Variants in CNTNAP2 observed in about 807,000 individuals in gnomAD.
CNTNAP2 encodes contactin associated protein 2.
Under a neutral mutation model 155.2 loss-of-function variants are expected in CNTNAP2, and 98 were observed. That is an observed-to-expected ratio of 0.63 (90% CI 0.54 to 0.75). The LOEUF is 0.75. Ranked by LOEUF, CNTNAP2 falls within the 30% of genes least tolerant of loss-of-function variation. The probability of loss-of-function intolerance (pLI) is 0.00; values close to 1 mark genes in which losing one functional copy is unlikely to be tolerated. For missense variants in CNTNAP2, 1,727 were observed against 1,688.1 expected, an observed-to-expected ratio of 1.02 and a Z score of -0.40; for synonymous variants, 651 against 631.2, an observed-to-expected ratio of 1.03 and a Z score of -0.47.
chr7:146,316,145 T>C (rs1800901754), intron 1 of CNTNAP2, among the ~76,000 whole-genome samples: 2 of 152,212 alleles, frequency 1.3e-5, no homozygotes, highest in African/African-American at 4.8e-5. Flanking sequence ...GTTTATCAAG[T>C]CATCTGTAAT....
chr7:148,016,312 G>A (rs1287917200), intron 15 of CNTNAP2, among the ~76,000 whole-genome samples: 1 of 152,174 alleles, frequency 6.6e-6, no homozygotes, highest in Admixed American at 6.5e-5. Flanking sequence ...TGCCAGCCCA[G>A]GTGCCTGACT....
At chr7:147,425,543 C>A (rs1251320371) in intron 10 of CNTNAP2, among the ~76,000 whole-genome samples, 1 of 152,038 alleles carries the variant, frequency 6.6e-6, no homozygotes, top group African/African-American at 2.4e-5. Flanking sequence ...GATCTAGCAT[C>A]CAGCCCAACC....
intron 9 of CNTNAP2, among the ~76,000 whole-genome samples, chr7:147,349,503 A>G (rs1795933502): frequency 6.6e-6 from 1 of 152,022 alleles, no homozygotes; most frequent in Admixed American, 6.6e-5. Flanking sequence ...CATTAATTTT[A>G]TGACACTTGG....
At chr7:146,711,675 T>C (rs1801074948) in intron 1 of CNTNAP2, among the ~76,000 whole-genome samples, 1 of 148,014 alleles carries the variant, frequency 6.8e-6, no homozygotes, top group African/African-American at 2.5e-5. Context: ...ATTTCGTATA[T>C]ATCTCATTAT....
intron 15 of CNTNAP2, among the ~76,000 whole-genome samples, chr7:148,073,152 G>GA (rs1170912319): frequency 1.3e-5 from 2 of 152,132 alleles, no homozygotes; most frequent in Non-Finnish European, 2.9e-5. Flanking sequence ...GCCCCCAGTT[G>GA]AAAATCACTG....
At chr7:146,384,322 G>A (rs1177604406) in intron 1 of CNTNAP2, among the ~76,000 whole-genome samples, 1 of 152,172 alleles carries the variant, frequency 6.6e-6, no homozygotes, top group Non-Finnish European at 1.5e-5. Context: ...ATGAAGATCA[G>A]TGGAGCACAA....
intron 16 of CNTNAP2, among the ~76,000 whole-genome samples, chr7:148,125,707 T>C (rs2116620923): frequency 6.7e-6 from 1 of 149,648 alleles, no homozygotes; most frequent in Non-Finnish European, 1.5e-5. Context: ...ATATAGTTTT[T>C]TTTTTTTTTG....
chr7:147,595,809 A>G (rs966002235), intron 12 of CNTNAP2, among the ~76,000 whole-genome samples: 3 of 152,204 alleles, frequency 2.0e-5, no homozygotes, highest in Admixed American at 6.5e-5. Flanking sequence ...GTGACTATGC[A>G]GTAAGGATAC....
At chr7:147,002,051 T>A (rs1352992786) in intron 3 of CNTNAP2, among the ~76,000 whole-genome samples, 1 of 151,792 alleles carries the variant, frequency 6.6e-6, no homozygotes, top group Non-Finnish European at 1.5e-5. Flanking sequence ...TAAAACAACA[T>A]AAGGCAATGT....
intron 18 of CNTNAP2, among the ~76,000 whole-genome samples, chr7:148,182,219 C>T (rs1585172721): frequency 6.6e-6 from 1 of 152,176 alleles, no homozygotes; most frequent in Admixed American, 6.5e-5. Flanking sequence ...CACTCTTTAT[C>T]TTTTCCCACA....
chr7:147,943,816 A>T (rs187529079), intron 14 of CNTNAP2, among the ~76,000 whole-genome samples: 2 of 146,178 alleles, frequency 1.4e-5, no homozygotes, highest in South Asian at 2.2e-4. Context: ...AGTTTGGTTC[A>T]TCTGAAAATT....
At chr7:146,721,623 A>G (rs1217570795) in intron 1 of CNTNAP2, among the ~76,000 whole-genome samples, 1 of 122,782 alleles carries the variant, frequency 8.1e-6, no homozygotes, top group Non-Finnish European at 1.5e-5. Flanking sequence ...TATATATTCT[A>G]TATACATTCT....
intron 12 of CNTNAP2, among the ~76,000 whole-genome samples, chr7:147,619,141 C>G (rs950822954): frequency 7.2e-5 from 11 of 152,150 alleles, no homozygotes; most frequent in Non-Finnish European, 1.6e-4. Context: ...AGTAGTTCCA[C>G]AAGACATTTT....
At chr7:147,090,968 C>A (rs988695582) in intron 4 of CNTNAP2, among the ~76,000 whole-genome samples, 3 of 151,852 alleles carry the variant, frequency 2.0e-5, no homozygotes, top group African/African-American at 7.3e-5. Flanking sequence ...ACTTAAAATT[C>A]AAAATTAAAA....
At chr7:147,868,776 G>GCCGGGCATGGGACCCTCCAAT (rs1305270007) in intron 13 of CNTNAP2, among the ~76,000 whole-genome samples, 9 of 152,236 alleles carry the variant, frequency 5.9e-5, no homozygotes, top group African/African-American at 2.2e-4. Context: ...GACCCTCCAA[G>GCCGGGCATGGGACCCTCCAAT]CCAGGCATGG....
intron 13 of CNTNAP2, among the ~76,000 whole-genome samples, chr7:147,839,837 CGTAA>C (rs978956118): frequency 7.2e-5 from 11 of 151,908 alleles, no homozygotes; most frequent in African/African-American, 2.2e-4. Context: ...ATGGAATCAC[CGTAA>C]GTGTCTAATG....
Position 146,717,062 on chromosome 7 carries a change from C to T in CNTNAP2, c.98-57209C>T, listed in dbSNP as rs575520531. Among the ~76,000 whole-genome samples, 13 of 151,984 alleles carry T rather than the reference C, an allele frequency of 8.6e-5. No individual in the cohort carries two copies. In the South Asian group the frequency reaches 2.5e-3, roughly 29 times the overall value. On this transcript the variant is annotated intron_variant, in intron 1 of 23. Coordinates refer to ENST00000361727, the MANE Select transcript of CNTNAP2 (RefSeq NM_014141.6). ...TGGTTGTGAAATTGCCTCCGTTTAT[C>T]CCATAAGCAGACCTCCCCCTGAGTG...
intron 15 of CNTNAP2, among the ~76,000 whole-genome samples, chr7:148,080,185 A>G (rs928355748): frequency 1.3e-5 from 2 of 152,206 alleles, no homozygotes; most frequent in African/African-American, 4.8e-5. Context: ...GATGCAAGAA[A>G]TAAACATTTG....
At chr7:147,446,048 T>C (rs1029674967) in intron 10 of CNTNAP2, among the ~76,000 whole-genome samples, 1 of 152,076 alleles carries the variant, frequency 6.6e-6, no homozygotes, top group African/African-American at 2.4e-5. Flanking sequence ...TACACCTGCA[T>C]ACCATCACAG....
Sources: gnomAD v4.1 joint callset for allele counts (sites outside exome capture counted in the v4.1 genomes callset) on GRCh38, gnomAD v4.1.1 for gene constraint, MANE v1.5 for transcripts, NCBI Gene and HGNC (gene_info 2026-07-23, HGNC 2026-07-21) for gene names.